DNAJA2: variants seen among roughly 807,000 people sequenced by gnomAD.
The protein encoded by DNAJA2 is DnaJ heat shock protein family (Hsp40) member A2, also known as dnaJ homolog subfamily A member 2.
DNAJA2 carries 6 observed loss-of-function variants against 49.3 expected under a neutral mutation model. The ratio of observed to expected loss-of-function variants is 0.12; its 90% CI spans 0.07 to 0.24. The LOEUF is 0.24. Among genes scored for constraint, DNAJA2 ranks in the 10% least tolerant of loss-of-function variants. The pLI is 1.00. For missense variants in DNAJA2, 347 were observed against 516.8 expected (o/e 0.67, Z 3.19); for synonymous variants, 160 against 172.7 (o/e 0.93, Z 0.58).
chr16:46,969,021 T>A (rs1450897306), intron 3 of DNAJA2, among the ~76,000 whole-genome samples: 2 of 152,162 alleles, frequency 1.3e-5, no homozygotes, highest in African/African-American at 4.8e-5. Context: ...CACTCCAGCC[T>A]GGGGGACAGA....
chr16:46,961,689 T>C (rs1435605502), intron 6 of DNAJA2, among the ~76,000 whole-genome samples: 1 of 151,680 alleles, frequency 6.6e-6, no homozygotes, highest in African/African-American at 2.4e-5. Context: ...ATTATCAGGA[T>C]GGTTGTTGCA....
Position 46,971,335 on chromosome 16 carries a change from A to G in DNAJA2, c.362+14T>C. 6 of 1,599,172 alleles carry G rather than the reference A, an allele frequency of 3.8e-6. No individual in the cohort carries two copies. The highest frequency in any genetic ancestry group is 1.3e-5 in the African/African-American group (1 of 74,286). The stretch of plus-strand genomic sequence containing the variant: ...AGTACTTAATTTTTTAAAACAACAA[A>G]ACAAGATATTCACTTGAGTGGATGC... On this transcript the variant is annotated intron_variant, in intron 3 of 8. Transcript: ENST00000317089.
intron 1 of DNAJA2, chr16:46,972,164 C>G (rs545644372): frequency 2.1e-5 from 11 of 529,890 alleles, no homozygotes; most frequent in South Asian, 2.0e-4. Flanking sequence ...TACTTGAAAA[C>G]AGGTTACAGT....
intron 1 of DNAJA2, chr16:46,972,889 T>A (rs1200995009): frequency 6.6e-6 from 1 of 152,214 alleles, no homozygotes; most frequent in East Asian, 1.9e-4. Context: ...CAAAGAACAA[T>A]GCATCCAAAC....
intron 6 of DNAJA2, among the ~76,000 whole-genome samples, chr16:46,960,316 A>G (rs766766958): frequency 6.6e-6 from 1 of 152,226 alleles, no homozygotes; most frequent in Non-Finnish European, 1.5e-5. Context: ...CCTGCCAGAA[A>G]CAAGGCAGGC....
chr16:46,962,970 G>T (rs1361596451), intron 6 of DNAJA2, among the ~76,000 whole-genome samples: 1 of 152,156 alleles, frequency 6.6e-6, no homozygotes, highest in Non-Finnish European at 1.5e-5. Flanking sequence ...TCTATTTGAA[G>T]AAATGATCAC....
At chr16:46,968,255 C>G in intron 3 of DNAJA2, 91 bp from the exon 4 acceptor site, 1 of 817,636 alleles carries the variant, frequency 1.2e-6, no homozygotes, top group East Asian at 2.7e-5. Context: ...AATTCGTTAT[C>G]AACTTTTAAA....
chr16:46,969,808 C>G (rs900329654), intron 3 of DNAJA2, among the ~76,000 whole-genome samples: 5 of 152,048 alleles, frequency 3.3e-5, no homozygotes, highest in Admixed American at 2.6e-4. Context: ...GTTAAAACAG[C>G]AGAAAACTTT....
rs902522321 is a variant in DNAJA2 at position 46,960,051 on chromosome 16, C to T, written c.775-632G>A. On this transcript the variant is annotated intron_variant, in intron 6 of 8. Coordinates refer to ENST00000317089, the MANE Select transcript of DNAJA2 (RefSeq NM_005880.4). ...GAGCCTTCAATGTGTAGGAAAAATACATCCAACTTCACACGCCCAACCTGC... is the reference window on the plus strand; with the variant it reads ...GAGCCTTCAATGTGTAGGAAAAATATATCCAACTTCACACGCCCAACCTGC... Among the ~76,000 whole-genome samples the T allele has an allele frequency of 2.6e-5, 4 of 152,236 alleles. No individual in the cohort carries two copies. The South Asian group carries it at 6.2e-4, about 24-fold the overall frequency.
At chr16:46,972,968 C>G (rs1484414408) in intron 1 of DNAJA2, 1 of 152,240 alleles carries the variant, frequency 6.6e-6, no homozygotes, top group Non-Finnish European at 1.5e-5. Flanking sequence ...CAGCCGGCGG[C>G]CGCGGAACCC....
In DNAJA2 at chr16:46,973,655, C is replaced by T. The variant is rs1030066614; in HGVS notation, c.-83G>A. 7 of 1,457,612 alleles carry T rather than the reference C, an allele frequency of 4.8e-6. No individual in the cohort carries two copies. The highest frequency in any genetic ancestry group is 1.4e-5 in the African/African-American group (1 of 69,202). 90.3% of individuals were successfully genotyped at this position (1,457,612 alleles called of 1,614,324 possible). A position where few individuals can be genotyped will look rare whatever the true frequency, so the allele number is the denominator to read the frequency against. ...GGCCCACAAGCGGCGTCGGCGGCGG[C>T]ACAGGCCGAGGGAGACAGCGAGGGG... On this transcript the variant is annotated 5_prime_UTR_variant, in exon 1 of 9. Coordinates refer to ENST00000317089, the MANE Select transcript of DNAJA2 (RefSeq NM_005880.4).
At chr16:46,964,829 A>G in intron 5 of DNAJA2, 22 bp from the exon 6 acceptor site, 1 of 1,596,456 alleles carries the variant, frequency 6.3e-7, no homozygotes. Context: ...AGTCATTGAA[A>G]CTTTCAGCAA....
intron 5 of DNAJA2, among the ~76,000 whole-genome samples, chr16:46,966,834 A>G (rs1264453698): frequency 6.6e-6 from 1 of 152,218 alleles, no homozygotes; most frequent in Non-Finnish European, 1.5e-5. Context: ...GTTATTTATT[A>G]TTTGATTATT....
rs891852246 is a variant in DNAJA2, at chr16:46,959,042, C to T, written c.1008G>A (p.Gln336=). 6.2e-7 allele frequency: 1 copy of T among 1,611,204 alleles called. No homozygotes were observed. The highest frequency in any genetic ancestry group is 8.5e-7 in the Non-Finnish European group (1 of 1,179,210). ...KGDLYIKFDV[Q]FPENNWINPD... Reference sequence around the variant, plus strand: ...GGTTGATCCAGTTGTTTTCAGGAAACTGCACATCAAACTTTATGTAAAGAT... The same window carrying T: ...GGTTGATCCAGTTGTTTTCAGGAAATTGCACATCAAACTTTATGTAAAGAT... Residue 336 remains glutamine (Q), a synonymous_variant, in exon 8 of 9, where the codon CAG becomes CAA. Transcript: ENST00000317089.
Position 46,973,546 on chromosome 16 carries a change from C to T in DNAJA2, c.27G>A (p.Leu9=). 1.9e-6 allele frequency: 3 copies of T among 1,602,438 alleles called. No individual in the cohort carries two copies. The highest frequency in any genetic ancestry group is 2.5e-6 in the Non-Finnish European group (3 of 1,177,792). Reference sequence around the variant, plus strand: ...CGGGCGGGACGCCCAGGATGTCGTACAGCTTCGTGTCAGCCACGTTAGCCA... The same window carrying T: ...CGGGCGGGACGCCCAGGATGTCGTATAGCTTCGTGTCAGCCACGTTAGCCA... The part of the protein sequence containing the change: MANVADTK[L]YDILGVPPGA... Residue 9 remains leucine (L), a synonymous_variant, in exon 1 of 9, where the codon CTG becomes CTA. Transcript: ENST00000317089.
chr16:46,967,639 C>T lies in DNAJA2; in HGVS notation c.451G>A (p.Gly151Arg), dbSNP rs1400288716. Residue 151 changes from glycine (G) to arginine (R), a missense_variant, in exon 5 of 9, where the codon GGA (glycine) becomes AGA (arginine). Transcript: ENST00000317089. ...VLCSACSGQG[G>R]KSGAVQKCSA... ...CACTTTTGGACAGCTCCAGACTTTC[C>T]GCCTTGGCTAAAGCAAGCACAAGTT... The T allele has an allele frequency of 3.7e-6, 6 of 1,614,054 alleles. No homozygotes were observed. The highest frequency in any genetic ancestry group is 5.1e-6 in the Non-Finnish European group (6 of 1,180,056).
chr16:46,973,242 C>A (rs1962082676), intron 1 of DNAJA2, among the ~76,000 whole-genome samples: 1 of 152,082 alleles, frequency 6.6e-6, no homozygotes, highest in African/African-American at 2.4e-5. Context: ...GGGCTCCCAT[C>A]GTGTTTGCGC....
rs576769313 is a variant in DNAJA2, at chr16:46,956,746, C to G, written c.*283G>C. 1.7e-5 allele frequency: 5 copies of G among 292,542 alleles called. No individual in the cohort carries two copies. In the East Asian group the frequency reaches 2.8e-4, roughly 17 times the overall value. 18.1% of individuals were successfully genotyped at this position (292,542 alleles called of 1,614,324 possible). ...ACACAAAACTGATAAAAATCAAGCA[C>G]AGATACCAGGATTGAAACTTATAAT... On this transcript the variant is annotated 3_prime_UTR_variant, in exon 9 of 9. Transcript: ENST00000317089.
At chr16:46,970,894 C>T (rs1040521845) in intron 3 of DNAJA2, among the ~76,000 whole-genome samples, 1 of 151,554 alleles carries the variant, frequency 6.6e-6, no homozygotes, top group East Asian at 1.9e-4. Flanking sequence ...CAAAATTAGC[C>T]GGGTGTGTTG....
Sources: allele counts gnomAD v4.1 joint callset (sites outside exome capture counted in the v4.1 genomes callset), GRCh38; gene constraint gnomAD v4.1.1; transcripts MANE v1.5; gene names NCBI Gene and HGNC (gene_info 2026-07-23, HGNC 2026-07-21).